Variants in FER observed in about 807,000 individuals in gnomAD.
FER encodes tyrosine-protein kinase Fer.
FER carries 63 observed loss-of-function variants against 111.0 expected under a neutral mutation model. The ratio of observed to expected loss-of-function variants is 0.57; its 90% CI spans 0.46 to 0.70. The LOEUF (loss-of-function observed/expected upper bound fraction) is 0.70, where lower values mean the gene tolerates loss of function less well. Among genes scored for constraint, FER ranks in the 30% least tolerant of loss-of-function variants. The pLI, the probability that FER is intolerant of heterozygous loss-of-function variation, is 0.00. For missense variants in FER, 914 were observed against 954.0 expected (o/e 0.96, Z 0.55); for synonymous variants, 327 against 313.9 (o/e 1.04, Z -0.44).
intron 10 of FER, chr5:108,924,744 A>T (rs1466014530): frequency 2.4e-6 from 3 of 1,231,974 alleles, no homozygotes; most frequent in Non-Finnish European, 3.0e-6. Flanking sequence ...CATGTGCTTT[A>T]ATGTTCAGCT....
intron 17 of FER, among the ~76,000 whole-genome samples, chr5:109,149,378 G>C (rs575855886): frequency 6.6e-6 from 1 of 152,278 alleles, no homozygotes; most frequent in East Asian, 1.9e-4. Context: ...AGCGCCTACA[G>C]TCTGATCCCT....
intron 3 of FER, among the ~76,000 whole-genome samples, chr5:108,831,590 A>T (rs1257053645): frequency 1.3e-5 from 2 of 152,220 alleles, no homozygotes; most frequent in Non-Finnish European, 2.9e-5. Flanking sequence ...ACAACTAAAA[A>T]TAGTCCCCTC....
chr5:108,853,433 A>G (rs775562790), intron 5 of FER, among the ~76,000 whole-genome samples: 29 of 152,218 alleles, frequency 1.9e-4, no homozygotes, highest in Non-Finnish European at 4.0e-4. Context: ...GGTGATAAAT[A>G]CCATGGAGAA....
chr5:108,910,373 A>G (rs1021177148), intron 10 of FER, among the ~76,000 whole-genome samples: 1 of 152,194 alleles, frequency 6.6e-6, no homozygotes, highest in African/African-American at 2.4e-5. Flanking sequence ...GAATGGGTAC[A>G]GTGGCTTTTT....
At chr5:109,028,004 G>C (rs1335898257) in intron 13 of FER, among the ~76,000 whole-genome samples, 2 of 151,994 alleles carry the variant, frequency 1.3e-5, no homozygotes, top group Non-Finnish European at 2.9e-5. Context: ...ATTTTTAAGT[G>C]ATTTTATATT....
At chr5:108,800,112 C>T (rs933567161) in intron 3 of FER, among the ~76,000 whole-genome samples, 1 of 152,010 alleles carries the variant, frequency 6.6e-6, no homozygotes, top group Non-Finnish European at 1.5e-5. Context: ...TGAGCTTTAA[C>T]GGAGTCATCT....
intron 16 of FER, among the ~76,000 whole-genome samples, chr5:109,085,639 G>T (rs1013932499): frequency 6.6e-6 from 1 of 151,664 alleles, no homozygotes; most frequent in Non-Finnish European, 1.5e-5. Context: ...GATTCTGAGA[G>T]ATAAGTGTTC....
intron 2 of FER, among the ~76,000 whole-genome samples, chr5:108,793,689 G>T (rs1354186928): frequency 1.3e-5 from 2 of 151,932 alleles, no homozygotes; most frequent in Non-Finnish European, 2.9e-5. Flanking sequence ...TTGTTTTCTG[G>T]TTGTTTTATG....
chr5:108,817,679 A>T (rs1758423199), intron 3 of FER, among the ~76,000 whole-genome samples: 1 of 152,232 alleles, frequency 6.6e-6, no homozygotes, highest in Non-Finnish European at 1.5e-5. Flanking sequence ...TTGGTATAAT[A>T]AACTCAGAGC....
At chr5:108,962,130 G>C (rs1352074934) in intron 13 of FER, among the ~76,000 whole-genome samples, 1 of 152,074 alleles carries the variant, frequency 6.6e-6, no homozygotes, top group Non-Finnish European at 1.5e-5. Flanking sequence ...CCGAAAACTA[G>C]ACAGGATTAA....
At chr5:109,055,465 G>T (rs1160547676) in intron 16 of FER, among the ~76,000 whole-genome samples, 1 of 152,126 alleles carries the variant, frequency 6.6e-6, no homozygotes. Context: ...CAACTCAATA[G>T]TAGAAAAGCA....
intron 18 of FER, among the ~76,000 whole-genome samples, chr5:109,182,419 G>A (rs1418685882): frequency 6.6e-6 from 1 of 152,078 alleles, no homozygotes; most frequent in Non-Finnish European, 1.5e-5. Flanking sequence ...AGAAAAAATG[G>A]CAGAGCTGCT....
At chr5:108,828,839 C>T (rs1010550957) in intron 3 of FER, among the ~76,000 whole-genome samples, 21 of 152,132 alleles carry the variant, frequency 1.4e-4, no homozygotes, top group Admixed American at 1.2e-3. Flanking sequence ...GTAGCTTACG[C>T]CTGTAATCTT....
chr5:108,885,760 T>C (rs1360356442), intron 9 of FER, among the ~76,000 whole-genome samples: 1 of 151,834 alleles, frequency 6.6e-6, no homozygotes, highest in Non-Finnish European at 1.5e-5. Flanking sequence ...TTTGGCAGCA[T>C]ACAAACATTC....
chr5:109,074,174 T>C (rs911485219), intron 16 of FER, among the ~76,000 whole-genome samples: 1 of 152,188 alleles, frequency 6.6e-6, no homozygotes, highest in African/African-American at 2.4e-5. Context: ...TTCTTTGATA[T>C]CACCATAGTT....
At chr5:108,869,674 G>A (rs567283236) in intron 6 of FER, among the ~76,000 whole-genome samples, 81 of 152,190 alleles carry the variant, frequency 5.3e-4, no homozygotes, top group African/African-American at 1.9e-3. Context: ...CTATCATTGT[G>A]TTATATTATT....
At chr5:109,156,683 G>C (rs1394391103) in intron 17 of FER, among the ~76,000 whole-genome samples, 2 of 152,084 alleles carry the variant, frequency 1.3e-5, no homozygotes, top group South Asian at 2.1e-4. Flanking sequence ...AGACCAAGAG[G>C]GGGTAGTCAA....
intron 13 of FER, among the ~76,000 whole-genome samples, chr5:109,032,023 C>T (rs1019589397): frequency 1.1e-4 from 16 of 152,282 alleles, no homozygotes; most frequent in Non-Finnish European, 2.2e-4. Flanking sequence ...TTACATGAGT[C>T]TAATGGAATA....
chr5:108,867,681 C>T, intron 5 of FER, 86 bp from the exon 6 acceptor site: 2 of 1,250,008 alleles, frequency 1.6e-6, no homozygotes, highest in Non-Finnish European at 2.2e-6. Flanking sequence ...TAACATAAAA[C>T]AGTAGTAATT....
Sources: allele counts gnomAD v4.1 joint callset (sites outside exome capture counted in the v4.1 genomes callset), GRCh38; gene constraint gnomAD v4.1.1; transcripts MANE v1.5; gene names NCBI Gene and HGNC (gene_info 2026-07-23, HGNC 2026-07-21).